DNAH2: variants seen among roughly 807,000 people sequenced by gnomAD.
The protein encoded by DNAH2 is axonemal beta dynein heavy chain 2.
Under a neutral mutation model 523.5 loss-of-function variants are expected in DNAH2, and 323 were observed. The ratio of observed to expected loss-of-function variants is 0.62; its 90% CI spans 0.56 to 0.68. The LOEUF is 0.68. DNAH2 is among the 30% of genes least tolerant of loss of function. The pLI is 0.00. For synonymous variants in DNAH2, 2,093 were observed against 2,177.4 expected, an observed-to-expected ratio of 0.96 and a Z score of 1.08; for missense variants, 4,907 against 5,701.5, an observed-to-expected ratio of 0.86 and a Z score of 4.49.
At chr17:7,730,616 C>T (rs1276642497) in intron 4 of DNAH2, among the ~76,000 whole-genome samples, 1 of 152,132 alleles carries the variant, frequency 6.6e-6, no homozygotes, top group African/African-American at 2.4e-5. Flanking sequence ...TAACTTGAAT[C>T]TGGCAATAAG....
chr17:7,767,870 C>G (rs1366264125), intron 22 of DNAH2, 30 bp from the exon 23 acceptor site: 1 of 1,613,190 alleles, frequency 6.2e-7, no homozygotes, highest in South Asian at 1.1e-5. Context: ...GCAGGTGCCA[C>G]TTCATGCAAC....
chr17:7,791,937 G>A lies in DNAH2; in HGVS notation c.6921G>A (p.Glu2307=). Residue 2307 remains glutamate, a synonymous_variant, in exon 45 of 86, where the codon GAG becomes GAA. Transcript: ENST00000572933. ...TCCAGGTGAACCCAGCTGACGGCGA[G>A]AACTATGTCACCATGGTAGAGATGA... The part of the protein sequence containing the change: ...PENGVNPADG[E]NYVTMVEMTF... 1 of 1,613,838 alleles carries A rather than the reference G, an allele frequency of 6.2e-7. No homozygotes were observed. The highest frequency in any genetic ancestry group is 1.1e-5 in the South Asian group (1 of 91,036).
rs528060192 is a variant in DNAH2 at position 7,770,722 on chromosome 17, T to G, written c.4182-31T>G. The G allele has an allele frequency of 6.8e-6, 11 of 1,613,922 alleles. No individual in the cohort carries two copies. In the East Asian group the frequency reaches 1.1e-4, roughly 16 times the overall value. ...GGGACCAAGGTTGGGCAGGTGGGGA[T>G]GAACTATGATTTTGACCCCTTGTGT... is the stretch of plus-strand genomic sequence containing the variant. On this transcript the variant is annotated intron_variant, in intron 26 of 85. Transcript: ENST00000572933.
intron 49 of DNAH2, among the ~76,000 whole-genome samples, chr17:7,794,780 G>C (rs1396686903): frequency 6.7e-6 from 1 of 148,280 alleles, no homozygotes; most frequent in Non-Finnish European, 1.5e-5. Context: ...TTTGAGACAG[G>C]GTCTCACTCT....
At position 7,823,648 on chromosome 17, in the gene DNAH2, C is replaced by T; in HGVS notation, c.11329+20C>T. 1.9e-6 allele frequency: 3 copies of T among 1,610,710 alleles called. No individual in the cohort carries two copies. The highest frequency in any genetic ancestry group is 2.5e-6 in the Non-Finnish European group (3 of 1,178,156). On this transcript the variant is annotated intron_variant, in intron 74 of 85. Coordinates refer to ENST00000572933, the MANE Select transcript of DNAH2 (RefSeq NM_020877.5). ...TGCCAGGTACCAGGCGTCTGTGTCC[C>T]ACTCTCACTTTTCTCCTTCCCTCCA...
Position 7,817,546 on chromosome 17 carries a change from C to T in DNAH2, c.10021-15C>T, listed in dbSNP as rs760895423. 6.2e-6 allele frequency: 10 copies of T among 1,613,844 alleles called. No homozygotes were observed. In the African/African-American group the frequency reaches 1.1e-4, roughly 17 times the overall value. ...CAGCTCTTCAAGTTAAAGCATGGGG[C>T]TTTTCTCTCCCCAGATCTGGGAGCT... is the stretch of plus-strand genomic sequence containing the variant. On this transcript the variant is annotated splice_polypyrimidine_tract_variant and intron_variant, in intron 65 of 85. Coordinates refer to ENST00000572933, the MANE Select transcript of DNAH2 (RefSeq NM_020877.5).
intron 58 of DNAH2, among the ~76,000 whole-genome samples, chr17:7,802,281 C>G (rs1422912887): frequency 6.6e-6 from 1 of 152,208 alleles, no homozygotes; most frequent in African/African-American, 2.4e-5. Context: ...CATAATATAA[C>G]TGGAACATTG....
intron 18 of DNAH2, among the ~76,000 whole-genome samples, chr17:7,763,026 A>C (rs1301388468): frequency 6.6e-6 from 1 of 151,710 alleles, no homozygotes; most frequent in Non-Finnish European, 1.5e-5. Flanking sequence ...CCCAGGCTGG[A>C]GTGCAGTGGC....
chr17:7,763,894 G>C lies in DNAH2; in HGVS notation c.3042G>C (p.Leu1014=). ...EETVTNIQFV[L]LDCSHLKFSL... ...CAGTCACCAACATCCAGTTTGTGCTGCTGGACTGTTCGCACCTCAAGTTCT... is the reference window on the plus strand; with the variant it reads ...CAGTCACCAACATCCAGTTTGTGCTCCTGGACTGTTCGCACCTCAAGTTCT... The change falls in exon 19 of 86, where the codon CTG becomes CTC. Residue 1014 remains leucine (L), a synonymous_variant. Transcript: ENST00000572933. The C allele has an allele frequency of 6.2e-7, 1 of 1,614,214 alleles. No homozygotes were observed. Among genetic ancestry groups the C allele is most frequent in the Non-Finnish European group, 8.5e-7 (1 of 1,180,038 alleles).
intron 13 of DNAH2, among the ~76,000 whole-genome samples, chr17:7,757,584 C>T (rs1304098492): frequency 6.6e-6 from 1 of 152,160 alleles, no homozygotes; most frequent in African/African-American, 2.4e-5. Context: ...TGAACTAAGG[C>T]CCTGCTGCCC....
chr17:7,786,990 T>C lies in DNAH2; in HGVS notation c.6560T>C (p.Val2187Ala). 6.2e-7 allele frequency: 1 copy of C among 1,614,138 alleles called. No homozygotes were observed. The highest frequency in any genetic ancestry group is 8.5e-7 in the Non-Finnish European group (1 of 1,180,016). The stretch of plus-strand genomic sequence containing the variant: ...AACTCCGTCATGGACGATAACAAGG[T>C]GTTGACCCTCATCAACGGCGAGCGC... ...NMNSVMDDNK[V>A]LTLINGERIA... Residue 2187 changes from valine (V) to alanine (A), a missense_variant, in exon 42 of 86, where the codon GTG becomes GCG. Val to Ala is a moderately conservative substitution (Grantham distance 64). This residue lies in a region of DNAH2 where 2,806 missense variants were observed against 3,190.8 expected (regional missense o/e 0.88). Transcript: ENST00000572933. This position sits in a 1 kb window ranked among gnomAD's most constrained non-coding sequence, Gnocchi z 7.5.
rs547586330 is a variant in DNAH2 at position 7,795,977 on chromosome 17, A to C, written c.7675-487A>C. Among the ~76,000 whole-genome samples, 1,001 of 147,930 alleles carry C rather than the reference A, an allele frequency of 6.8e-3. 11 individuals are homozygous for C. Among genetic ancestry groups the C allele is most frequent in the South Asian group, 0.023 (112 of 4,770 alleles). On this transcript the variant is annotated intron_variant, in intron 49 of 85. Transcript: ENST00000572933. ...AATAAATAAATATAAATATGTATAA[A>C]TATATAGTATATATATATATAGTGT...
rs1267602570 is a variant in DNAH2 at position 7,741,234 on chromosome 17, CTCTCTT to C, written c.1689+246_1689+251del. Among the ~76,000 whole-genome samples, 253 of 135,538 alleles carry C rather than the reference CTCTCTT, an allele frequency of 1.9e-3. 2 individuals carry two copies. The highest frequency in any genetic ancestry group is 3.6e-3 in the Middle Eastern group (1 of 274). 88.9% of individuals were successfully genotyped at this position (135,538 alleles called of 152,430 possible). ...CTTCCTTCCTTTCTTTTTTTTCTCT[CTCTCTT>C]TCTTTCTTTCTTTCTTTCTTTCTTT... On this transcript the variant is annotated intron_variant, in intron 11 of 85. Coordinates refer to ENST00000572933, the MANE Select transcript of DNAH2 (RefSeq NM_020877.5).
intron 77 of DNAH2, among the ~76,000 whole-genome samples, chr17:7,829,292 G>A (rs1396504191): frequency 6.6e-6 from 1 of 152,158 alleles, no homozygotes; most frequent in East Asian, 1.9e-4. Context: ...GATTACAGGC[G>A]TGAGCCAGCG....
At position 7,739,809 on chromosome 17, in the gene DNAH2, AG is replaced by A. The variant is rs1291707258; in HGVS notation, c.1251del (p.Pro418HisfsTer3). ...QGPLPCFFGA[Q>X]GPQITRNLLE... ...CCCCTTCCTTGCTTCTTTGGTGCCCAGGGGCCACAGATAACACGGAACTTGC... is the reference window on the plus strand; with the variant it reads ...CCCCTTCCTTGCTTCTTTGGTGCCCAGGGCCACAGATAACACGGAACTTGC... On this transcript the variant is annotated frameshift_variant, in exon 9 of 86. Coordinates refer to ENST00000572933, the MANE Select transcript of DNAH2 (RefSeq NM_020877.5). LOFTEE classifies it high-confidence loss of function. 1 of 1,613,910 alleles carries A rather than the reference AG, an allele frequency of 6.2e-7. No homozygotes were observed. Among genetic ancestry groups the A allele is most frequent in the Non-Finnish European group, 8.5e-7 (1 of 1,180,016 alleles).
chr17:7,740,766 C>A, intron 10 of DNAH2, 44 bp from the exon 11 acceptor site: 7 of 1,580,598 alleles, frequency 4.4e-6, no homozygotes, highest in Non-Finnish European at 6.1e-6. Flanking sequence ...GGAGGGAACC[C>A]GCCTTCCCGG....
At position 7,797,850 on chromosome 17, in the gene DNAH2, T is replaced by A. The variant is rs111852390; in HGVS notation, c.8230+21T>A. On this transcript the variant is annotated intron_variant, in intron 53 of 85. Transcript: ENST00000572933. Reference sequence around the variant, plus strand: ...ACACAGTGAGCACCTGCCACGCCTATCCCCTTCCCCATCATCTCAGTGATG... The same window carrying A: ...ACACAGTGAGCACCTGCCACGCCTAACCCCTTCCCCATCATCTCAGTGATG... The A allele has an allele frequency of 8.8e-3, 13,941 of 1,592,960 alleles. 108 individuals are homozygous for A. The highest frequency in any genetic ancestry group is 0.022 in the South Asian group (1,923 of 87,746).
At position 7,806,339 on chromosome 17, in the gene DNAH2, G is replaced by A. The variant is rs189822905; in HGVS notation, c.9443-811G>A. Among the ~76,000 whole-genome samples, 211 of 152,246 alleles carry A rather than the reference G, an allele frequency of 1.4e-3. 3 individuals are homozygous for A. Among genetic ancestry groups the A allele is most frequent in the African/African-American group, 4.9e-3 (203 of 41,534 alleles). On this transcript the variant is annotated intron_variant, in intron 61 of 85. Coordinates refer to ENST00000572933, the MANE Select transcript of DNAH2 (RefSeq NM_020877.5). ...TATGATGGGCTTATCGGGAGCATCT[G>A]TATATTAACCAAAATTGTCCTAAAG...
chr17:7,781,262 T>A (rs1322735965), intron 39 of DNAH2, 95 bp downstream of exon 39: 1 of 1,434,318 alleles, frequency 7.0e-7, no homozygotes, highest in East Asian at 2.3e-5. Context: ...ACTGTTTGAG[T>A]CCAGGAGTTT....
Sources: gnomAD v4.1 joint callset for allele counts (sites outside exome capture counted in the v4.1 genomes callset) on GRCh38, gnomAD v4.1.1 for gene constraint, gnomAD v4.1.1 regional missense constraint, Gnocchi (gnomAD v3.1) non-coding constraint, MANE v1.5 for transcripts, NCBI Gene and HGNC (gene_info 2026-07-23, HGNC 2026-07-21) for gene names.